The following RIPOR2 variants were observed in gnomAD, a reference collection of about 807,000 sequenced individuals.
RIPOR2 encodes rho family-interacting cell polarization regulator 2.
A neutral mutation model predicts 114.5 loss-of-function variants in RIPOR2; 39 were observed. That is an observed-to-expected ratio of 0.34 (90% confidence interval 0.26 to 0.44). RIPOR2 has a LOEUF of 0.44. Ranked by LOEUF, RIPOR2 falls within the 20% of genes least tolerant of loss-of-function variation. The pLI is 1.00. For synonymous variants in RIPOR2, 445 were observed against 484.4 expected (o/e 0.92, Z 1.07); for missense variants, 1,007 against 1,255.1 (o/e 0.80, Z 2.99).
intron 1 of RIPOR2, among the ~76,000 whole-genome samples, chr6:24,892,879 G>A (rs1246676917): frequency 1.3e-5 from 2 of 152,172 alleles, no homozygotes; most frequent in Non-Finnish European, 2.9e-5. Flanking sequence ...GTTTTAATAT[G>A]TACTAGATAT....
intron 1 of RIPOR2, among the ~76,000 whole-genome samples, chr6:24,879,698 G>A (rs1200229409): frequency 6.6e-6 from 1 of 152,186 alleles, no homozygotes; most frequent in Non-Finnish European, 1.5e-5. Flanking sequence ...CAAGTCTGAT[G>A]GAGGGGTGGT....
intron 1 of RIPOR2, among the ~76,000 whole-genome samples, chr6:24,999,875 C>T (rs900734816): frequency 1.3e-5 from 2 of 152,120 alleles, no homozygotes; most frequent in African/African-American, 4.8e-5. Flanking sequence ...CCTTGAATTC[C>T]TTCTTGCAAC....
chr6:24,836,139 C>T (rs1440803056), intron 14 of RIPOR2: 2 of 420,370 alleles, frequency 4.8e-6, no homozygotes, highest in African/African-American at 2.0e-5. Flanking sequence ...GTAGTTTCAC[C>T]CAGAAGTCTT....
chr6:24,818,432 A>G, intron 20 of RIPOR2, 110 bp downstream of exon 20: 1 of 547,900 alleles, frequency 1.8e-6, no homozygotes, highest in Non-Finnish European at 3.2e-6. Flanking sequence ...AGAAGACAAG[A>G]AATACTGCTA....
chr6:24,964,621 T>G (rs1258413424), intron 1 of RIPOR2, among the ~76,000 whole-genome samples: 1 of 152,224 alleles, frequency 6.6e-6, no homozygotes, highest in Non-Finnish European at 1.5e-5. Flanking sequence ...GGTTTTTGTG[T>G]GGATGTAAAT....
At chr6:24,947,608 A>T (rs535824219) in intron 1 of RIPOR2, among the ~76,000 whole-genome samples, 2 of 152,270 alleles carry the variant, frequency 1.3e-5, no homozygotes, top group East Asian at 1.9e-4. Context: ...GAGAAAGAAG[A>T]TGGTGCAATT....
chr6:25,010,085 T>A (rs1166843379), intron 1 of RIPOR2, among the ~76,000 whole-genome samples: 4 of 152,090 alleles, frequency 2.6e-5, no homozygotes, highest in Non-Finnish European at 2.9e-5. Context: ...TTATAGTAGG[T>A]TATGAGTTTA....
At chr6:24,945,244 A>C (rs1189137399) in intron 1 of RIPOR2, among the ~76,000 whole-genome samples, 1 of 152,230 alleles carries the variant, frequency 6.6e-6, no homozygotes, top group African/African-American at 2.4e-5. Flanking sequence ...CTGTCAACTA[A>C]GAATTGTATA....
intron 1 of RIPOR2, among the ~76,000 whole-genome samples, chr6:25,000,848 T>C (rs1775277960): frequency 7.4e-6 from 1 of 134,344 alleles, no homozygotes; most frequent in South Asian, 2.6e-4. Context: ...GCTATAAACA[T>C]CCGTGGAGAA....
At chr6:24,827,377 G>C (rs927087191) in intron 18 of RIPOR2, among the ~76,000 whole-genome samples, 2 of 152,208 alleles carry the variant, frequency 1.3e-5, no homozygotes, top group African/African-American at 4.8e-5. Flanking sequence ...GAGAGAAGGG[G>C]TAAGCCTGGG....
chr6:24,873,541 C>T (rs573166445), intron 3 of RIPOR2, 103 bp downstream of exon 3: 1 of 1,035,912 alleles, frequency 9.7e-7, no homozygotes, highest in Non-Finnish European at 1.4e-6. Flanking sequence ...GAATAAAATA[C>T]CTCCTACAGA....
At chr6:24,900,707 G>A (rs1768356192) in intron 1 of RIPOR2, among the ~76,000 whole-genome samples, 1 of 152,172 alleles carries the variant, frequency 6.6e-6, no homozygotes, top group African/African-American at 2.4e-5. Context: ...GCACTGAGCT[G>A]TGATCTGGCC....
At position 24,950,337 on chromosome 6, in the gene RIPOR2, T is replaced by G. The variant is rs139118554; in HGVS notation, c.77-74520A>C. On this transcript the variant is annotated intron_variant, in intron 1 of 13. Coordinates refer to the RIPOR2 transcript ENST00000510784. Reference sequence around the variant, plus strand: ...CTTGTCTTAAATGCAAGATTCTTTCTCTTTTCTTCCTCCCTCCCTCCCTCC... The same window carrying G: ...CTTGTCTTAAATGCAAGATTCTTTCGCTTTTCTTCCTCCCTCCCTCCCTCC... 2.7e-4 allele frequency among the ~76,000 whole-genome samples: 41 copies of G among 152,328 alleles called. No individual in the cohort carries two copies. The East Asian group carries it at 7.7e-3, about 29-fold the overall frequency.
chr6:25,037,091 A>C lies in RIPOR2; in HGVS notation c.76+4760T>G, dbSNP rs1047806538. Among the ~76,000 whole-genome samples, 1 of 152,214 alleles carries C rather than the reference A, an allele frequency of 6.6e-6. No individual in the cohort carries two copies. Among genetic ancestry groups the C allele is most frequent in the Non-Finnish European group, 1.5e-5 (1 of 68,040 alleles). On this transcript the variant is annotated intron_variant, in intron 1 of 13. Transcript: ENST00000510784. The surrounding 1 kb of genome is among the most constrained non-coding windows in gnomAD (Gnocchi z 4.5). The stretch of plus-strand genomic sequence containing the variant: ...TACATTGCCAGGAACTGTGCTAGGC[A>C]CTTGACATATTTTATGTCTTTTAAT...
chr6:25,013,024 T>G (rs1460241460), intron 1 of RIPOR2, among the ~76,000 whole-genome samples: 3 of 17,546 alleles, frequency 1.7e-4, no homozygotes, highest in African/African-American at 4.4e-4. Flanking sequence ...CATCTCTGGG[T>G]TTTTTTTTTT....
chr6:24,807,802 T>G (rs1359919971), intron 21 of RIPOR2, among the ~76,000 whole-genome samples: 1 of 152,208 alleles, frequency 6.6e-6, no homozygotes, highest in Non-Finnish European at 1.5e-5. Context: ...GTTGCAGCCC[T>G]GAGTCCTTTA....
chr6:24,981,097 G>A (rs1774270118), intron 1 of RIPOR2, among the ~76,000 whole-genome samples: 1 of 152,108 alleles, frequency 6.6e-6, no homozygotes, highest in Non-Finnish European at 1.5e-5. Context: ...TGAACAAAAG[G>A]GTGTAGAGTT....
chr6:24,919,888 C>G (rs1284136292), intron 1 of RIPOR2, among the ~76,000 whole-genome samples: 2 of 152,162 alleles, frequency 1.3e-5, no homozygotes, highest in African/African-American at 4.8e-5. Flanking sequence ...GCAGTAGATA[C>G]TATTCGACTC....
chr6:24,954,306 T>G (rs1436553576), intron 1 of RIPOR2, among the ~76,000 whole-genome samples: 1 of 152,154 alleles, frequency 6.6e-6, no homozygotes, highest in Non-Finnish European at 1.5e-5. Flanking sequence ...ATTATGATCC[T>G]TGGCAGAATG....
Sources: allele counts gnomAD v4.1 joint callset (sites outside exome capture counted in the v4.1 genomes callset), GRCh38; gene constraint gnomAD v4.1.1; non-coding constraint Gnocchi (gnomAD v3.1); transcripts MANE v1.5; gene names NCBI Gene and HGNC (gene_info 2026-07-23, HGNC 2026-07-21).